Variants in PCDHGB2 observed in about 807,000 individuals in gnomAD.
The protein encoded by PCDHGB2 is protocadherin gamma subfamily B, 2, also known as protocadherin gamma-B2.
A neutral mutation model predicts 59.3 loss-of-function variants in PCDHGB2; 55 were observed. That is an observed-to-expected ratio of 0.93 (90% CI 0.75 to 1.16). The LOEUF (loss-of-function observed/expected upper bound fraction) is 1.16, where lower values mean the gene tolerates loss of function less well. Ranked by LOEUF, PCDHGB2 falls within the 50% of genes most tolerant of loss-of-function variation. The pLI is 0.00. For missense variants in PCDHGB2, 1,228 were observed against 1,198.5 expected, an observed-to-expected ratio of 1.02 and a Z score of -0.36; for synonymous variants, 516 against 512.0, an observed-to-expected ratio of 1.01 and a Z score of -0.11.
At chr5:141,408,978 C>A (rs1444971938) in intron 1 of PCDHGB2, 1 of 1,613,862 alleles carries the variant, frequency 6.2e-7, no homozygotes, top group African/African-American at 1.3e-5. Context: ...CCCCCTGGGT[C>A]CCCTGTGTTG....
At chr5:141,502,710 C>T (rs2099815750) in intron 2 of PCDHGB2, among the ~76,000 whole-genome samples, 1 of 152,168 alleles carries the variant, frequency 6.6e-6, no homozygotes, top group South Asian at 2.1e-4. Context: ...GTTTTTACAT[C>T]AGTGATTACA....
chr5:141,421,901 G>A lies in PCDHGB2; in HGVS notation c.2421+59345G>A. ...GATGGAGGCGATCCCATCCGAAAGG[G>A]CGCAGTTCCCATTCGTGTGGTGGTC... is the stretch of plus-strand genomic sequence containing the variant. On this transcript the variant is annotated intron_variant, in intron 1 of 3. Coordinates refer to ENST00000522605, the MANE Select transcript of PCDHGB2 (RefSeq NM_018923.3). 1.9e-6 allele frequency: 3 copies of A among 1,613,724 alleles called. No individual in the cohort carries two copies. Among genetic ancestry groups the A allele is most frequent in the East Asian group, 2.2e-5 (1 of 44,880 alleles).
In PCDHGB2 at chr5:141,476,718, C is replaced by T; in HGVS notation, c.2422-18089C>T. On this transcript the variant is annotated intron_variant, in intron 1 of 3. Transcript: ENST00000522605. The surrounding 1 kb of genome is among the most constrained non-coding windows in gnomAD (Gnocchi z 7.6). ...TACGCGGAGCTGGTGTTGGAGCGCG[C>T]CCTGGACCGAGAACGGGAGCCTAGT... The T allele has an allele frequency of 1.2e-6, 2 of 1,614,144 alleles. No individual in the cohort carries two copies. The highest frequency in any genetic ancestry group is 2.2e-5 in the East Asian group (1 of 44,874).
intron 2 of PCDHGB2, among the ~76,000 whole-genome samples, chr5:141,497,735 C>T (rs1299892535): frequency 2.6e-5 from 4 of 152,144 alleles, no homozygotes; most frequent in Non-Finnish European, 4.4e-5. Flanking sequence ...AGATGGGTTT[C>T]GCCACGTTGG....
intron 1 of PCDHGB2, chr5:141,392,507 T>TC (rs2092547058): frequency 4.3e-6 from 1 of 231,946 alleles, no homozygotes; most frequent in East Asian, 8.6e-5. Context: ...GATTTTTTTT[T>TC]CTCAGTAATC....
intron 3 of PCDHGB2, among the ~76,000 whole-genome samples, chr5:141,509,815 TCTC>T (rs1596250992): frequency 6.6e-6 from 1 of 152,226 alleles, no homozygotes; most frequent in East Asian, 1.9e-4. Flanking sequence ...GCCGAGCTCT[TCTC>T]CATCTTCTCT....
At chr5:141,371,048 C>A in intron 1 of PCDHGB2, 2 of 1,613,890 alleles carry the variant, frequency 1.2e-6, no homozygotes, top group Non-Finnish European at 1.7e-6. Flanking sequence ...TGGATGGGGG[C>A]GAGCCCTCCA....
intron 1 of PCDHGB2, chr5:141,366,640 T>G: frequency 3.7e-6 from 6 of 1,614,186 alleles, no homozygotes; most frequent in Non-Finnish European, 4.2e-6. Flanking sequence ...ACCTGATCTT[T>G]CCCCAGCCCA....
At chr5:141,399,627 C>G (rs751717107) in intron 1 of PCDHGB2, 12 of 1,613,906 alleles carry the variant, frequency 7.4e-6, no homozygotes, top group South Asian at 1.1e-5. Context: ...TGGCCTCTTA[C>G]GTGTCCATGA....
At chr5:141,398,775 C>T in intron 1 of PCDHGB2, 1 of 1,613,926 alleles carries the variant, frequency 6.2e-7, no homozygotes, top group African/African-American at 1.3e-5. Flanking sequence ...CTGCCTTGGA[C>T]GGTGGACATC....
intron 1 of PCDHGB2, chr5:141,390,466 G>A: frequency 1.4e-6 from 1 of 712,034 alleles, no homozygotes; most frequent in East Asian, 2.7e-5. Context: ...AGGAGCAATT[G>A]TGTGGCCCAA....
At chr5:141,479,391 T>G (rs2099494461) in intron 1 of PCDHGB2, 1 of 152,266 alleles carries the variant, frequency 6.6e-6, no homozygotes, top group Non-Finnish European at 1.5e-5. Flanking sequence ...AGCCCAGGAG[T>G]TCTGGGCTGT....
rs779723361 is a variant in PCDHGB2 at position 141,362,500 on chromosome 5, C to G, written c.2365C>G (p.Gln789Glu). 6.2e-7 allele frequency: 1 copy of G among 1,614,012 alleles called. No individual in the cohort carries two copies. Among genetic ancestry groups the G allele is most frequent in the South Asian group, 1.1e-5 (1 of 91,074 alleles). Residue 789 changes from glutamine (Q) to glutamate (E), a missense_variant, in exon 1 of 4, where the codon CAA becomes GAA. Physicochemically the swap from Gln to Glu is conservative, Grantham distance 29 (BLOSUM62 2). Around this residue, in one of 3 missense-constraint regions of PCDHGB2, gnomAD observed 433 missense variants for 441.8 expected, o/e 0.98. Transcript: ENST00000522605. ...DLVCDNASWE[Q>E]NTNHGAAGVP... ...CGTCTGTGACAATGCCTCTTGGGAA[C>G]AAAATACAAATCATGGAGCCGCTGG...
chr5:141,404,970 C>A (rs1470955697), intron 1 of PCDHGB2: 1 of 1,613,940 alleles, frequency 6.2e-7, no homozygotes, highest in Non-Finnish European at 8.5e-7. Flanking sequence ...GACATCCTGG[C>A]TGACCTGGGC....
intron 1 of PCDHGB2, chr5:141,366,074 G>T (rs1167288837): frequency 2.5e-6 from 4 of 1,614,100 alleles, no homozygotes; most frequent in African/African-American, 1.3e-5. Flanking sequence ...GCCTCGCTCC[G>T]CAGAACCTGG....
At chr5:141,427,929 T>A in intron 1 of PCDHGB2, 1 of 1,582,776 alleles carries the variant, frequency 6.3e-7, no homozygotes, top group South Asian at 1.1e-5. Flanking sequence ...CCGGCGCATG[T>A]TGGTGGGCGA....
At chr5:141,422,138 T>G (rs1201680879) in intron 1 of PCDHGB2, 1 of 1,587,640 alleles carries the variant, frequency 6.3e-7, no homozygotes, top group Admixed American at 1.9e-5. Context: ...GAAGTTCAAG[T>G]ACGGGGGTCT....
At chr5:141,393,972 C>G in intron 1 of PCDHGB2, 1 of 1,613,790 alleles carries the variant, frequency 6.2e-7, no homozygotes, top group South Asian at 1.1e-5. Flanking sequence ...CTGTTACACA[C>G]GTGATAATTT....
chr5:141,366,557 G>T lies in PCDHGB2; in HGVS notation c.2421+4001G>T, dbSNP rs376762797. On this transcript the variant is annotated intron_variant, in intron 1 of 3. Transcript: ENST00000522605. Reference sequence around the variant, plus strand: ...TGTGCCCGCCTCGCACTTTGTGGGCGTGGATGGGGTTCGGGCTTTCCTGCA... The same window carrying T: ...TGTGCCCGCCTCGCACTTTGTGGGCTTGGATGGGGTTCGGGCTTTCCTGCA... The T allele has an allele frequency of 3.5e-5, 56 of 1,614,268 alleles. No homozygotes were observed. In the African/African-American group the frequency reaches 4.3e-4, roughly 12 times the overall value.
Sources: gnomAD v4.1 joint callset for allele counts (sites outside exome capture counted in the v4.1 genomes callset) on GRCh38, gnomAD v4.1.1 for gene constraint, gnomAD v4.1.1 regional missense constraint, Gnocchi (gnomAD v3.1) non-coding constraint, MANE v1.5 for transcripts, NCBI Gene and HGNC (gene_info 2026-07-23, HGNC 2026-07-21) for gene names.